The following PTPN12 variants were observed in gnomAD, a reference collection of about 807,000 sequenced individuals.
The protein encoded by PTPN12 is tyrosine-protein phosphatase non-receptor type 12.
A neutral mutation model predicts 97.6 loss-of-function variants in PTPN12; 29 were observed. The observed-to-expected ratio is 0.30, with a 90% CI of 0.22 to 0.41. The LOEUF is 0.41. PTPN12 is among the 10% of genes least tolerant of loss of function. The pLI, the probability that PTPN12 is intolerant of heterozygous loss-of-function variation, is 1.00. For missense variants in PTPN12, 819 were observed against 926.0 expected (o/e 0.88, Z 1.50); for synonymous variants, 327 against 300.4 (o/e 1.09, Z -0.91).
intron 8 of PTPN12, chr7:77,604,736 T>C (rs1788304839): frequency 5.0e-6 from 1 of 198,428 alleles, no homozygotes; most frequent in African/African-American, 2.4e-5. Flanking sequence ...TTTTAGTACT[T>C]TCATAGATTT....
chr7:77,623,292 C>T (rs761187570), intron 12 of PTPN12, among the ~76,000 whole-genome samples: 21 of 152,092 alleles, frequency 1.4e-4, no homozygotes, highest in Non-Finnish European at 2.5e-4. Context: ...ATATCATACT[C>T]GATATCTGTC....
chr7:77,585,431 C>A, intron 4 of PTPN12, 112 bp from the exon 5 acceptor site: 3 of 840,682 alleles, frequency 3.6e-6, no homozygotes, highest in Non-Finnish European at 5.6e-6. Flanking sequence ...CTTTTTTAGG[C>A]AAGCCAATTA....
chr7:77,600,140 A>C (rs1412882670), intron 7 of PTPN12, among the ~76,000 whole-genome samples: 1 of 152,184 alleles, frequency 6.6e-6, no homozygotes, highest in Non-Finnish European at 1.5e-5. Flanking sequence ...ACTAATCTGT[A>C]AGAAGACTAG....
chr7:77,578,025 A>T (rs980035340), intron 2 of PTPN12, among the ~76,000 whole-genome samples: 30 of 152,252 alleles, frequency 2.0e-4, no homozygotes, highest in Non-Finnish European at 1.9e-4. Flanking sequence ...AAAATTTTTT[A>T]AAAAAAGAAA....
chr7:77,573,116 A>C (rs891799265), intron 2 of PTPN12, among the ~76,000 whole-genome samples: 3 of 147,868 alleles, frequency 2.0e-5, no homozygotes, highest in African/African-American at 7.5e-5. Context: ...AAAAAAAACC[A>C]GTGTACCTAG....
chr7:77,598,818 A>G (rs892537372), intron 7 of PTPN12, among the ~76,000 whole-genome samples: 3 of 150,758 alleles, frequency 2.0e-5, no homozygotes, highest in Non-Finnish European at 3.0e-5. Context: ...AATAATATAT[A>G]TAATATATAT....
In PTPN12 at chr7:77,585,948, C is replaced by A. The variant is rs113202655; in HGVS notation, c.420+367C>A. Among the ~76,000 whole-genome samples the A allele has an allele frequency of 2.6e-5, 4 of 152,042 alleles. 1 individual carries two copies. Among genetic ancestry groups the A allele is most frequent in the African/African-American group, 9.6e-5 (4 of 41,508 alleles). On this transcript the variant is annotated intron_variant, in intron 5 of 17. Coordinates refer to ENST00000248594, the MANE Select transcript of PTPN12 (RefSeq NM_002835.4). Reference sequence around the variant, plus strand: ...ATTATACCTATAAAACACTTCATGCCTTATTTTATTTTTTTATTTTTTCTA... The same window carrying A: ...ATTATACCTATAAAACACTTCATGCATTATTTTATTTTTTTATTTTTTCTA...
At chr7:77,584,447 C>T (rs1787621644) in intron 4 of PTPN12, among the ~76,000 whole-genome samples, 1 of 152,154 alleles carries the variant, frequency 6.6e-6, no homozygotes, top group Non-Finnish European at 1.5e-5. Flanking sequence ...TGGGAACATC[C>T]TGTATCTTGA....
chr7:77,539,512 T>C (rs1384433771), intron 1 of PTPN12, among the ~76,000 whole-genome samples: 1 of 152,234 alleles, frequency 6.6e-6, no homozygotes, highest in Non-Finnish European at 1.5e-5. Context: ...TTTACAGCAA[T>C]TGGATGGAGT....
chr7:77,543,498 A>G (rs1807081137), intron 1 of PTPN12, among the ~76,000 whole-genome samples: 1 of 152,180 alleles, frequency 6.6e-6, no homozygotes, highest in Non-Finnish European at 1.5e-5. Flanking sequence ...TGTAGCTTAT[A>G]GGTTTAAAAA....
At chr7:77,632,881 C>T (rs1404631553) in intron 14 of PTPN12, among the ~76,000 whole-genome samples, 8 of 152,220 alleles carry the variant, frequency 5.3e-5, no homozygotes, top group African/African-American at 7.2e-5. Context: ...GACTTGAACC[C>T]GGGAGTTGGA....
intron 1 of PTPN12, 75 bp downstream of exon 1, chr7:77,537,720 C>T: frequency 1.4e-6 from 2 of 1,480,936 alleles, no homozygotes; most frequent in Non-Finnish European, 1.8e-6. Flanking sequence ...GCCGGGCCGC[C>T]AGTGCTTTGT....
intron 1 of PTPN12, among the ~76,000 whole-genome samples, chr7:77,562,018 C>G (rs937929903): frequency 1.3e-4 from 19 of 151,382 alleles, no homozygotes; most frequent in African/African-American, 4.4e-4. Flanking sequence ...TCTCGGTCTC[C>G]TGACCTCATG....
chr7:77,573,411 T>C (rs1787227956), intron 2 of PTPN12, among the ~76,000 whole-genome samples: 1 of 152,196 alleles, frequency 6.6e-6, no homozygotes, highest in Non-Finnish European at 1.5e-5. Context: ...GCACTTCACA[T>C]GGTGGAAGGG....
chr7:77,562,937 T>C (rs1215963526), intron 1 of PTPN12, among the ~76,000 whole-genome samples: 1 of 147,180 alleles, frequency 6.8e-6, no homozygotes, highest in African/African-American at 2.6e-5. Context: ...AAAAAATCAT[T>C]TGCTTATTGT....
chr7:77,621,031 G>T (rs1350186988), intron 12 of PTPN12, among the ~76,000 whole-genome samples: 1 of 151,802 alleles, frequency 6.6e-6, no homozygotes, highest in Non-Finnish European at 1.5e-5. Flanking sequence ...GGAGGCTAAG[G>T]TGGGCGGATT....
intron 1 of PTPN12, among the ~76,000 whole-genome samples, chr7:77,549,438 G>A (rs904922036): frequency 2.6e-5 from 4 of 152,058 alleles, no homozygotes; most frequent in Non-Finnish European, 4.4e-5. Flanking sequence ...AAATTTTAAG[G>A]TTTCTGTGTA....
chr7:77,617,946 C>T (rs1039865300), intron 11 of PTPN12, among the ~76,000 whole-genome samples: 1 of 152,078 alleles, frequency 6.6e-6, no homozygotes, highest in East Asian at 1.9e-4. Context: ...GAGCTATATT[C>T]CCTAATGGAT....
chr7:77,563,909 G>A (rs1158619703), intron 1 of PTPN12: 1 of 440,406 alleles, frequency 2.3e-6, no homozygotes, highest in Admixed American at 2.5e-5. Context: ...TATCGTTAGT[G>A]ATGTGCATTT....
Sources: gnomAD v4.1 joint callset for allele counts (sites outside exome capture counted in the v4.1 genomes callset) on GRCh38, gnomAD v4.1.1 for gene constraint, MANE v1.5 for transcripts, NCBI Gene and HGNC (gene_info 2026-07-23, HGNC 2026-07-21) for gene names.